The following SV2C variants were observed in gnomAD, a reference collection of about 807,000 sequenced individuals.
The protein encoded by SV2C is synaptic vesicle glycoprotein 2C.
A neutral mutation model predicts 79.7 loss-of-function variants in SV2C; 49 were observed. The ratio of observed to expected loss-of-function variants is 0.61; its 90% confidence interval spans 0.49 to 0.78. SV2C has a LOEUF of 0.78. Ranked by LOEUF, SV2C falls within the 30% of genes least tolerant of loss-of-function variation. SV2C has a pLI of 0.00. For missense variants in SV2C, 833 were observed against 912.9 expected (o/e 0.91, Z 1.13); for synonymous variants, 334 against 333.2 (o/e 1.00, Z -0.03).
chr5:76,086,273 G>T (rs1747195056), intron 1 of SV2C, among the ~76,000 whole-genome samples: 1 of 152,168 alleles, frequency 6.6e-6, no homozygotes, highest in African/African-American at 2.4e-5. Flanking sequence ...ATCACGTGAC[G>T]ACAAGTACCA....
Position 76,258,564 on chromosome 5 carries a change from AT to A in SV2C, c.914-26594del, listed in dbSNP as rs1335945404. Among the ~76,000 whole-genome samples, 3 of 152,204 alleles carry A rather than the reference AT, an allele frequency of 2.0e-5. No homozygotes were observed. In the East Asian group the frequency reaches 5.8e-4, roughly 29 times the overall value. The stretch of plus-strand genomic sequence containing the variant: ...ATAGTGCGAAATCCACAGCAATACC[AT>A]TTTGAATGATACCAAATCAGATTAG... On this transcript the variant is annotated intron_variant, in intron 4 of 12. Coordinates refer to ENST00000502798, the MANE Select transcript of SV2C (RefSeq NM_014979.4).
the SV2C span, among the ~76,000 whole-genome samples, chr5:75,888,331 T>A: frequency 9.8e-3 from 1,450 of 148,442 alleles, 21 homozygotes; most frequent in Middle Eastern, 0.014. Flanking sequence ...CCTTGCTTTT[T>A]AAAAAAAAAA....
the SV2C span, among the ~76,000 whole-genome samples, chr5:76,036,473 G>A: frequency 6.6e-6 from 1 of 151,924 alleles, no homozygotes; most frequent in Non-Finnish European, 1.5e-5. Flanking sequence ...TTGCTTGTCT[G>A]TAAAGTATTT....
the SV2C span, among the ~76,000 whole-genome samples, chr5:76,073,729 G>GGACT: frequency 6.6e-6 from 1 of 151,316 alleles, no homozygotes. Flanking sequence ...ATGATACAAT[G>GGACT]GACTTTAAGG....
At chr5:75,910,161 G>C in the SV2C span, 1 of 320,176 alleles carries the variant, frequency 3.1e-6, no homozygotes, top group Non-Finnish European at 6.1e-6. Flanking sequence ...TTGTCACCAG[G>C]TGCAGTGGTT....
the SV2C span, among the ~76,000 whole-genome samples, chr5:75,946,204 A>G: frequency 1.3e-5 from 2 of 152,244 alleles, no homozygotes; most frequent in East Asian, 1.9e-4. Flanking sequence ...CAGGAATGAA[A>G]GAGGAAATAC....
At chr5:76,245,174 C>T (rs551095583) in intron 4 of SV2C, among the ~76,000 whole-genome samples, 4 of 152,134 alleles carry the variant, frequency 2.6e-5, no homozygotes, top group East Asian at 1.9e-4. Context: ...GCATTTCCCC[C>T]GAGTTTATAA....
chr5:75,913,250 A>G, the SV2C span, among the ~76,000 whole-genome samples: 1 of 152,210 alleles, frequency 6.6e-6, no homozygotes, highest in African/African-American at 2.4e-5. Flanking sequence ...GGAGGTCCCC[A>G]GGATCTGATC....
At chr5:75,964,301 C>T in the SV2C span, among the ~76,000 whole-genome samples, 1 of 152,208 alleles carries the variant, frequency 6.6e-6, no homozygotes, top group African/African-American at 2.4e-5. Flanking sequence ...ACTACCCGCT[C>T]ACCAGGAGTT....
intron 1 of SV2C, among the ~76,000 whole-genome samples, chr5:76,125,345 G>A (rs1469915790): frequency 1.3e-5 from 2 of 151,950 alleles, no homozygotes; most frequent in African/African-American, 4.8e-5. Flanking sequence ...TAGATTTTCT[G>A]CCTTTTATCC....
At chr5:76,210,209 A>G (rs1183138279) in intron 4 of SV2C, among the ~76,000 whole-genome samples, 2 of 152,168 alleles carry the variant, frequency 1.3e-5, no homozygotes, top group African/African-American at 2.4e-5. Context: ...GTGTGCTACA[A>G]TTTAACTCAA....
the SV2C span, among the ~76,000 whole-genome samples, chr5:75,853,607 C>CAAAAAAAAAAAAAAAA: frequency 3.5e-5 from 1 of 28,464 alleles, no homozygotes; most frequent in African/African-American, 1.6e-4. Context: ...GACTCCGTCT[C>CAAAAAAAAAAAAAAAA]AAAAAAAAAA....
intron 1 of SV2C, among the ~76,000 whole-genome samples, chr5:76,094,816 A>G (rs751611430): frequency 1.3e-5 from 2 of 152,024 alleles, no homozygotes; most frequent in African/African-American, 2.4e-5. Flanking sequence ...GAATTTTAAG[A>G]GTTCTTTGTG....
chr5:76,306,214 ATTTAT>A (rs953671938), intron 12 of SV2C, among the ~76,000 whole-genome samples: 2 of 152,056 alleles, frequency 1.3e-5, no homozygotes, highest in African/African-American at 4.8e-5. Flanking sequence ...TGCCAGGCTA[ATTTAT>A]TTTATTTTTT....
At chr5:75,990,651 T>C in the SV2C span, among the ~76,000 whole-genome samples, 1 of 151,910 alleles carries the variant, frequency 6.6e-6, no homozygotes, top group Non-Finnish European at 1.5e-5. Context: ...CCCAAAGTCT[T>C]AGACAACAAG....
intron 1 of SV2C, among the ~76,000 whole-genome samples, chr5:76,106,670 T>G (rs1203453558): frequency 2.0e-5 from 3 of 152,134 alleles, no homozygotes; most frequent in African/African-American, 7.2e-5. Flanking sequence ...CCTGGAACAT[T>G]CCTACTACAT....
intron 2 of SV2C, among the ~76,000 whole-genome samples, chr5:76,179,499 T>C (rs1333560715): frequency 6.6e-6 from 1 of 152,212 alleles, no homozygotes; most frequent in African/African-American, 2.4e-5. Context: ...ATTCTAGACA[T>C]AAATCATTAA....
chr5:76,040,546 T>C, the SV2C span, among the ~76,000 whole-genome samples: 1 of 152,222 alleles, frequency 6.6e-6, no homozygotes, highest in Non-Finnish European at 1.5e-5. Flanking sequence ...GAAGACTTTT[T>C]TGAATTATAT....
chr5:76,070,564 C>A, the SV2C span, among the ~76,000 whole-genome samples: 6 of 152,170 alleles, frequency 3.9e-5, no homozygotes, highest in Non-Finnish European at 7.3e-5. Flanking sequence ...CTGCTCATTC[C>A]CACTTATCTT....
Sources: allele counts gnomAD v4.1 joint callset (sites outside exome capture counted in the v4.1 genomes callset), GRCh38; gene constraint gnomAD v4.1.1; transcripts MANE v1.5; gene names NCBI Gene and HGNC (gene_info 2026-07-23, HGNC 2026-07-21).